The following MGAT4C variants were observed in gnomAD, a reference collection of about 807,000 sequenced individuals.
MGAT4C encodes the protein alpha-1,3-mannosyl-glycoprotein 4-beta-N-acetylglucosaminyltransferase C.
MGAT4C carries 19 observed loss-of-function variants against 40.1 expected under a neutral mutation model. That is an observed-to-expected ratio of 0.47 (90% CI 0.33 to 0.70). The LOEUF is 0.70. Ranked by LOEUF, MGAT4C falls within the 30% of genes least tolerant of loss-of-function variation. The pLI is 0.02. For missense variants in MGAT4C, 491 were observed against 563.2 expected, an observed-to-expected ratio of 0.87 and a Z score of 1.30; for synonymous variants, 181 against 187.1, an observed-to-expected ratio of 0.97 and a Z score of 0.27.
chr12:86,631,328 T>C (rs116087666), intron 2 of MGAT4C, among the ~76,000 whole-genome samples: 19,407 of 151,566 alleles, frequency 0.13, 1,963 homozygotes, highest in African/African-American at 0.28. Flanking sequence ...GGCCATACTG[T>C]CCAAGGTAAT....
chr12:86,197,889 A>C (rs539699694), intron 1 of MGAT4C, among the ~76,000 whole-genome samples: 122 of 152,320 alleles, frequency 8.0e-4, no homozygotes, highest in Middle Eastern at 6.8e-3. Context: ...GGTAATTGTA[A>C]TATCTGGTAA....
At chr12:86,121,094 C>T (rs528131808) in intron 1 of MGAT4C, among the ~76,000 whole-genome samples, 29 of 152,134 alleles carry the variant, frequency 1.9e-4, no homozygotes, top group African/African-American at 6.5e-4. Flanking sequence ...AACTACGTGA[C>T]GCATGCACAA....
chr12:86,474,198 A>T (rs959247551), intron 2 of MGAT4C, among the ~76,000 whole-genome samples: 4 of 151,918 alleles, frequency 2.6e-5, no homozygotes, highest in Non-Finnish European at 5.9e-5. Flanking sequence ...GCCATAAAAA[A>T]TGATGAGTTC....
chr12:86,101,738 T>C (rs535344566), intron 1 of MGAT4C, among the ~76,000 whole-genome samples: 1 of 151,856 alleles, frequency 6.6e-6, no homozygotes. Context: ...AGCAGAGATA[T>C]GATTTAGTCT....
At chr12:86,697,215 T>A (rs1950274976) in intron 2 of MGAT4C, among the ~76,000 whole-genome samples, 1 of 152,108 alleles carries the variant, frequency 6.6e-6, no homozygotes, top group Non-Finnish European at 1.5e-5. Flanking sequence ...CTAAATATAT[T>A]CGCTAAAGTA....
In MGAT4C at chr12:85,966,368, CTTTGGAGG is replaced by C. The variant is rs1883368282; in HGVS notation, c.*12913_*12920del. 1 of 151,954 alleles carries C rather than the reference CTTTGGAGG, an allele frequency of 6.6e-6. No individual in the cohort carries two copies. Among genetic ancestry groups the C allele is most frequent in the Admixed American group, 6.6e-5 (1 of 15,246 alleles). The allele number at this position is 151,954 out of a possible 1,614,324, so 9.4% of individuals were successfully genotyped here. On this transcript the variant is annotated 3_prime_UTR_variant, in exon 5 of 5. Coordinates refer to ENST00000611864, the MANE Select transcript of MGAT4C (RefSeq NM_001351288.2). The stretch of plus-strand genomic sequence containing the variant: ...TACCCATCATCTACCTACTTTGAAA[CTTTGGAGG>C]TTTTATAAAAATTATGAGTATTTAA...
chr12:86,515,548 A>T (rs1300095087), intron 2 of MGAT4C, among the ~76,000 whole-genome samples: 1 of 152,138 alleles, frequency 6.6e-6, no homozygotes, highest in East Asian at 1.9e-4. Flanking sequence ...AAGTAACAAG[A>T]AAACAATCAA....
intron 4 of MGAT4C, among the ~76,000 whole-genome samples, chr12:86,283,444 C>T (rs888858665): frequency 6.6e-6 from 1 of 151,904 alleles, no homozygotes; most frequent in African/African-American, 2.4e-5. Flanking sequence ...CTTCTTCTCT[C>T]TCTTAAATAC....
At chr12:85,984,232 C>T (rs1884962721) in intron 3 of MGAT4C, among the ~76,000 whole-genome samples, 1 of 152,190 alleles carries the variant, frequency 6.6e-6, no homozygotes, top group South Asian at 2.1e-4. Context: ...TGGCTACTAT[C>T]TAGCTGTTGA....
chr12:86,417,960 T>C (rs1956748564), intron 3 of MGAT4C, among the ~76,000 whole-genome samples: 1 of 152,174 alleles, frequency 6.6e-6, no homozygotes, highest in South Asian at 2.1e-4. Context: ...ACTGAGTTTC[T>C]TGCCCAACAT....
intron 1 of MGAT4C, among the ~76,000 whole-genome samples, chr12:86,806,449 T>TGTGTGTGA (rs5799800): frequency 6.7e-6 from 1 of 149,956 alleles, no homozygotes; most frequent in African/African-American, 2.4e-5. Flanking sequence ...TGTGTGTGTG[T>TGTGTGTGA]GAGAGAGAGA....
chr12:86,272,653 C>A (rs1952979167), intron 4 of MGAT4C, among the ~76,000 whole-genome samples: 1 of 152,002 alleles, frequency 6.6e-6, no homozygotes, highest in African/African-American at 2.4e-5. Flanking sequence ...GAGTTGGAAA[C>A]CAGCCTGGGT....
chr12:86,772,606 G>C (rs1951658174), intron 1 of MGAT4C, among the ~76,000 whole-genome samples: 1 of 141,214 alleles, frequency 7.1e-6, no homozygotes, highest in South Asian at 2.5e-4. Context: ...CACCCTGAGG[G>C]GGCCCAAAGA....
At chr12:86,392,182 G>A (rs564967038) in intron 3 of MGAT4C, among the ~76,000 whole-genome samples, 1 of 152,026 alleles carries the variant, frequency 6.6e-6, no homozygotes, top group Non-Finnish European at 1.5e-5. Context: ...CAAGAATTAG[G>A]TAATGTCGGC....
intron 1 of MGAT4C, among the ~76,000 whole-genome samples, chr12:86,190,154 T>G (rs1191256015): frequency 6.6e-6 from 1 of 152,010 alleles, no homozygotes; most frequent in African/African-American, 2.4e-5. Context: ...AAGAAAACAT[T>G]AAGGAAATGG....
At chr12:86,786,111 C>T (rs1181371611) in intron 1 of MGAT4C, among the ~76,000 whole-genome samples, 2 of 151,776 alleles carry the variant, frequency 1.3e-5, no homozygotes, top group Non-Finnish European at 2.9e-5. Flanking sequence ...GTTAGGAGAA[C>T]AAAGAGAACT....
At chr12:86,066,467 C>G (rs10431480) in intron 1 of MGAT4C, among the ~76,000 whole-genome samples, 1 of 151,904 alleles carries the variant, frequency 6.6e-6, no homozygotes, top group Non-Finnish European at 1.5e-5. Context: ...GGGAAAAGAT[C>G]CCCTATTTAA....
At chr12:86,608,409 T>C (rs1290034746) in intron 2 of MGAT4C, among the ~76,000 whole-genome samples, 9 of 151,960 alleles carry the variant, frequency 5.9e-5, no homozygotes, top group Admixed American at 5.2e-4. Flanking sequence ...AAAGACTCTG[T>C]CACTACAAAA....
At chr12:86,175,137 T>C (rs893762748) in intron 1 of MGAT4C, among the ~76,000 whole-genome samples, 3 of 152,130 alleles carry the variant, frequency 2.0e-5, no homozygotes, top group African/African-American at 7.2e-5. Flanking sequence ...TGTAGATACA[T>C]TTGCCTTAAA....
Sources: allele counts gnomAD v4.1 joint callset (sites outside exome capture counted in the v4.1 genomes callset), GRCh38; gene constraint gnomAD v4.1.1; transcripts MANE v1.5; gene names NCBI Gene and HGNC (gene_info 2026-07-23, HGNC 2026-07-21).